Variants in CSMD1 observed in about 807,000 individuals in gnomAD.
CSMD1 encodes the protein CUB and sushi domain-containing protein 1.
In CSMD1, 213 loss-of-function variants were observed where a neutral mutation model predicts 417.5. The ratio of observed to expected loss-of-function variants is 0.51; its 90% CI spans 0.46 to 0.57. The LOEUF (loss-of-function observed/expected upper bound fraction) is 0.57, where lower values mean the gene tolerates loss of function less well. Ranked by LOEUF, CSMD1 falls within the 20% of genes least tolerant of loss-of-function variation. The probability of loss-of-function intolerance (pLI) is 0.00; values close to 1 mark genes in which losing one functional copy is unlikely to be tolerated. For synonymous variants in CSMD1, 2,862 were observed against 1,736.8 expected (o/e 1.65, Z -16.11); for missense variants, 6,923 against 4,529.7 (o/e 1.53, Z -15.17).
chr8:4,347,448 G>A (rs1039478857), intron 3 of CSMD1, among the ~76,000 whole-genome samples: 2 of 152,030 alleles, frequency 1.3e-5, no homozygotes, highest in African/African-American at 4.8e-5. Flanking sequence ...ACACACACAA[G>A]AGCTTATACC....
intron 2 of CSMD1, among the ~76,000 whole-genome samples, chr8:4,584,004 C>G (rs1007220275): frequency 1.3e-5 from 2 of 151,998 alleles, no homozygotes; most frequent in African/African-American, 2.4e-5. Flanking sequence ...AGGGGAGGAA[C>G]GAACAACTCC....
chr8:4,236,039 G>GTTTTTTTTTTT (rs869245155), intron 3 of CSMD1, among the ~76,000 whole-genome samples: 1 of 31,684 alleles, frequency 3.2e-5, no homozygotes, highest in Admixed American at 3.1e-4. Context: ...TTTTTTGTTT[G>GTTTTTTTTTTT]TTTTTTTTTT....
chr8:3,112,199 T>A (rs1212623500), intron 42 of CSMD1, among the ~76,000 whole-genome samples: 2 of 152,062 alleles, frequency 1.3e-5, no homozygotes, highest in Non-Finnish European at 2.9e-5. Context: ...ATTGATAAAT[T>A]GGTGAATTAG....
At chr8:4,785,958 T>C (rs924549292) in intron 1 of CSMD1, among the ~76,000 whole-genome samples, 13 of 152,086 alleles carry the variant, frequency 8.5e-5, no homozygotes, top group African/African-American at 3.1e-4. Flanking sequence ...TTTTCAACAA[T>C]TATAGGAAAG....
At chr8:4,848,126 A>G (rs1801251372) in intron 1 of CSMD1, among the ~76,000 whole-genome samples, 1 of 152,288 alleles carries the variant, frequency 6.6e-6, no homozygotes, top group South Asian at 2.1e-4. Context: ...GTCAAGGTTC[A>G]TCCATGCTGC....
chr8:3,586,832 C>T (rs1800623294), intron 8 of CSMD1, among the ~76,000 whole-genome samples: 1 of 152,210 alleles, frequency 6.6e-6, no homozygotes. Flanking sequence ...CAGAGTCTCA[C>T]ACTGTCACCC....
intron 1 of CSMD1, among the ~76,000 whole-genome samples, chr8:4,952,622 A>G (rs1808827792): frequency 1.3e-5 from 2 of 152,110 alleles, no homozygotes; most frequent in Non-Finnish European, 1.5e-5. Flanking sequence ...ATTAGAGCAT[A>G]GTTGATATGG....
intron 3 of CSMD1, among the ~76,000 whole-genome samples, chr8:4,270,301 C>T (rs1274516988): frequency 6.6e-6 from 1 of 152,074 alleles, no homozygotes; most frequent in Non-Finnish European, 1.5e-5. Context: ...TCTTCCCAGT[C>T]TTTATACTGG....
At chr8:4,746,914 A>G (rs900195077) in intron 1 of CSMD1, among the ~76,000 whole-genome samples, 6 of 152,190 alleles carry the variant, frequency 3.9e-5, no homozygotes, top group Admixed American at 2.0e-4. Flanking sequence ...ATTGTGGGAC[A>G]CTCTAGTGTA....
intron 26 of CSMD1, among the ~76,000 whole-genome samples, chr8:3,256,366 A>G (rs1453609780): frequency 6.6e-6 from 1 of 151,718 alleles, no homozygotes; most frequent in Non-Finnish European, 1.5e-5. Flanking sequence ...ACAAACCACA[A>G]CTGTTGTAAC....
intron 21 of CSMD1, among the ~76,000 whole-genome samples, chr8:3,350,035 T>C (rs931320274): frequency 7.1e-6 from 1 of 141,270 alleles, no homozygotes; most frequent in Non-Finnish European, 1.5e-5. Context: ...GTGTGTGTTA[T>C]AATACCTATA....
intron 5 of CSMD1, among the ~76,000 whole-genome samples, chr8:3,989,647 A>G (rs985355930): frequency 2.0e-5 from 3 of 152,242 alleles, no homozygotes; most frequent in East Asian, 1.9e-4. Flanking sequence ...TAAAGTCTTT[A>G]TGATGTATAT....
chr8:4,374,854 T>G (rs1488946091), intron 3 of CSMD1, among the ~76,000 whole-genome samples: 1 of 150,186 alleles, frequency 6.7e-6, no homozygotes, highest in Non-Finnish European at 1.5e-5. Context: ...TTAAAGAACC[T>G]AGGGGCTAAT....
chr8:4,420,817 C>A (rs944581851), intron 2 of CSMD1, among the ~76,000 whole-genome samples: 1 of 152,182 alleles, frequency 6.6e-6, no homozygotes, highest in Non-Finnish European at 1.5e-5. Context: ...TACCCACATT[C>A]TGGTAAGTAG....
At chr8:3,544,865 T>C (rs1376802311) in intron 10 of CSMD1, among the ~76,000 whole-genome samples, 1 of 152,186 alleles carries the variant, frequency 6.6e-6, no homozygotes, top group Non-Finnish European at 1.5e-5. Flanking sequence ...ACAGCTATAG[T>C]AAGTAAAATG....
chr8:4,935,565 T>A (rs1807558161), intron 1 of CSMD1, among the ~76,000 whole-genome samples: 1 of 152,216 alleles, frequency 6.6e-6, no homozygotes, highest in Non-Finnish European at 1.5e-5. Context: ...TTTTTCTGAA[T>A]TTCAATATTT....
At chr8:4,065,936 A>G (rs765469511) in intron 3 of CSMD1, among the ~76,000 whole-genome samples, 3 of 152,202 alleles carry the variant, frequency 2.0e-5, no homozygotes, top group Non-Finnish European at 4.4e-5. Flanking sequence ...AGAGTTAGAG[A>G]AAACTGACAA....
rs1209943846 is a variant in CSMD1, at chr8:3,519,183, A to T, written c.1345-25457T>A. ...AGCTAAAAATTCCTTAATCCTGAAC[A>T]CGTGATTAATTATCACTGAAGGGCA... On this transcript the variant is annotated intron_variant, in intron 10 of 69. Transcript: ENST00000635120. Among the ~76,000 whole-genome samples, 4 of 152,294 alleles carry T rather than the reference A, an allele frequency of 2.6e-5. No homozygotes were observed. In the East Asian group the frequency reaches 7.7e-4, roughly 29 times the overall value.
intron 31 of CSMD1, among the ~76,000 whole-genome samples, 182 bp downstream of exon 31, chr8:3,205,322 G>A (rs560477090): frequency 2.0e-5 from 3 of 152,296 alleles, no homozygotes; most frequent in East Asian, 3.9e-4. Flanking sequence ...TATCACATTG[G>A]TAAAAGGACT....
Sources: allele counts gnomAD v4.1 joint callset (sites outside exome capture counted in the v4.1 genomes callset), GRCh38; gene constraint gnomAD v4.1.1; transcripts MANE v1.5; gene names NCBI Gene and HGNC (gene_info 2026-07-23, HGNC 2026-07-21).